The following PLEKHM3 variants were observed in gnomAD, a reference collection of about 807,000 sequenced individuals.
The protein encoded by PLEKHM3 is pleckstrin homology domain containing M3, also known as pleckstrin homology domain-containing family M member 3.
Under a neutral mutation model 81.8 loss-of-function variants are expected in PLEKHM3, and 45 were observed. That is an observed-to-expected ratio of 0.55 (90% confidence interval 0.43 to 0.71). PLEKHM3 has a LOEUF of 0.71. Ranked by LOEUF, PLEKHM3 falls within the 30% of genes least tolerant of loss-of-function variation. PLEKHM3 has a pLI of 0.00. For missense variants in PLEKHM3, 788 were observed against 924.3 expected (o/e 0.85, Z 1.91); for synonymous variants, 352 against 356.4 (o/e 0.99, Z 0.14).
Position 207,851,506 on chromosome 2 carries a change from C to T in PLEKHM3, c.2108+9599G>A, listed in dbSNP as rs188513724. 1,000 of 152,094 alleles carry T rather than the reference C, an allele frequency of 6.6e-3. 7 individuals are homozygous for T. Among genetic ancestry groups the T allele is most frequent in the Middle Eastern group, 0.017 (5 of 292 alleles). 9.4% of individuals were successfully genotyped at this position (152,094 alleles called of 1,614,324 possible). ...ATCCCAGCACTCTGGGAGGCCGAGG[C>T]GGGGGAGGATCACCTGAGGTTAGGA... is the stretch of plus-strand genomic sequence containing the variant. On this transcript the variant is annotated intron_variant, in intron 7 of 7. Transcript: ENST00000427836.
intron 6 of PLEKHM3, among the ~76,000 whole-genome samples, chr2:207,883,626 G>C (rs1687782493): frequency 6.6e-6 from 1 of 152,182 alleles, no homozygotes; most frequent in Non-Finnish European, 1.5e-5. Flanking sequence ...CAGAGAAGCA[G>C]CCCTGGAGTG....
At chr2:207,855,572 G>A (rs2092433527) in intron 7 of PLEKHM3, among the ~76,000 whole-genome samples, 1 of 152,118 alleles carries the variant, frequency 6.6e-6, no homozygotes, top group African/African-American at 2.4e-5. Flanking sequence ...GGAAAGAGGG[G>A]GAGGAAGAGG....
intron 6 of PLEKHM3, among the ~76,000 whole-genome samples, chr2:207,891,763 C>G (rs1473495141): frequency 6.6e-6 from 1 of 152,296 alleles, no homozygotes; most frequent in Middle Eastern, 3.4e-3. Flanking sequence ...ATAACTGATT[C>G]ATTCATTCAC....
intron 3 of PLEKHM3, among the ~76,000 whole-genome samples, chr2:207,951,748 C>T (rs1690334649): frequency 1.3e-5 from 2 of 152,222 alleles, no homozygotes; most frequent in Non-Finnish European, 1.5e-5. Context: ...TACTTCTCCA[C>T]AAAAGCACCA....
chr2:207,875,871 T>C (rs1034310082), intron 6 of PLEKHM3, among the ~76,000 whole-genome samples: 1 of 152,222 alleles, frequency 6.6e-6, no homozygotes, highest in African/African-American at 2.4e-5. Context: ...TTGCTTAACT[T>C]ACCTAGCTTA....
chr2:207,972,581 C>T (rs1168516833), intron 3 of PLEKHM3, among the ~76,000 whole-genome samples: 8 of 142,928 alleles, frequency 5.6e-5, no homozygotes, highest in Non-Finnish European at 9.0e-5. Context: ...GGCGAGACTC[C>T]GTCTCAAAAA....
chr2:207,921,748 A>T (rs1689189513), intron 5 of PLEKHM3, among the ~76,000 whole-genome samples: 1 of 152,216 alleles, frequency 6.6e-6, no homozygotes, highest in Non-Finnish European at 1.5e-5. Flanking sequence ...CATATGAATG[A>T]GAACATGGAG....
At chr2:207,839,247 T>C (rs2092336386) in intron 7 of PLEKHM3, among the ~76,000 whole-genome samples, 1 of 152,164 alleles carries the variant, frequency 6.6e-6, no homozygotes, top group South Asian at 2.1e-4. Context: ...AGGTCAAGCA[T>C]GGGTACATTA....
chr2:207,988,756 C>T (rs527401347), intron 2 of PLEKHM3, among the ~76,000 whole-genome samples: 22 of 152,316 alleles, frequency 1.4e-4, no homozygotes, highest in East Asian at 7.7e-4. Flanking sequence ...GTGCTTACAA[C>T]GCCTCTTCTT....
At chr2:208,014,738 T>C (rs1692822133) in intron 1 of PLEKHM3, among the ~76,000 whole-genome samples, 1 of 152,268 alleles carries the variant, frequency 6.6e-6, no homozygotes, top group African/African-American at 2.4e-5. Context: ...TATGGACTAT[T>C]ACCATTAGCA....
chr2:207,850,820 C>T (rs944164250), intron 7 of PLEKHM3, among the ~76,000 whole-genome samples: 5 of 152,154 alleles, frequency 3.3e-5, no homozygotes, highest in Non-Finnish European at 7.3e-5. Flanking sequence ...AATCATAGAG[C>T]AGTGTCAGCC....
At chr2:208,006,501 A>C (rs1398110287) in intron 1 of PLEKHM3, among the ~76,000 whole-genome samples, 3 of 152,202 alleles carry the variant, frequency 2.0e-5, no homozygotes, top group Non-Finnish European at 4.4e-5. Context: ...TAACCTCTGC[A>C]TGCCTTACTC....
chr2:207,880,338 C>T (rs538302287), intron 6 of PLEKHM3, among the ~76,000 whole-genome samples: 175 of 150,250 alleles, frequency 1.2e-3, no homozygotes, highest in Non-Finnish European at 2.0e-3. Context: ...ACCCAGGGGG[C>T]GAAGGTTGCA....
In PLEKHM3 at chr2:207,946,472, C is replaced by G; in HGVS notation, c.1587G>C (p.Lys529Asn). ...RSIGLSNGKA[K>N]VCNYSGWYYC... ...AATACCACCCACTGTAGTTGCACACCTTGGCTTTCCCATTGGAAAGACCTA... is the reference window on the plus strand; with the variant it reads ...AATACCACCCACTGTAGTTGCACACGTTGGCTTTCCCATTGGAAAGACCTA... The change falls in exon 4 of 8, where the codon AAG becomes AAC. Residue 529 changes from lysine to asparagine, a missense_variant. Transcript: ENST00000427836. 1.9e-6 allele frequency: 3 copies of G among 1,614,174 alleles called. No homozygotes were observed. The highest frequency in any genetic ancestry group is 2.5e-6 in the Non-Finnish European group (3 of 1,180,024).
At chr2:207,895,000 A>G (rs1385013208) in intron 6 of PLEKHM3, among the ~76,000 whole-genome samples, 4 of 152,222 alleles carry the variant, frequency 2.6e-5, no homozygotes, top group Non-Finnish European at 5.9e-5. Context: ...GGTCTGGCCT[A>G]AAGTAAGCAC....
At chr2:207,866,974 A>G (rs931050475) in intron 6 of PLEKHM3, among the ~76,000 whole-genome samples, 5 of 152,308 alleles carry the variant, frequency 3.3e-5, no homozygotes, top group Non-Finnish European at 5.9e-5. Context: ...GATATTTGAC[A>G]ATTTTTACCC....
intron 6 of PLEKHM3, among the ~76,000 whole-genome samples, chr2:207,889,628 C>T (rs1211473867): frequency 6.6e-6 from 1 of 152,126 alleles, no homozygotes; most frequent in South Asian, 2.1e-4. Context: ...GTACTCAAAG[C>T]TCAAAGCTCA....
rs765846813 is a variant in PLEKHM3, at chr2:208,001,145, G to A, written c.495C>T (p.Thr165=). The stretch of plus-strand genomic sequence containing the variant: ...GCTGTTGCTGCTGCTGCAAAGGCGT[G>A]GTTTTGAGGACTACCCTCCAGTCCA... ...TQVDWRVVLK[T]TPLQQQQQQQ... The change falls in exon 2 of 8, where the codon ACC becomes ACT. Residue 165 remains threonine (T), a synonymous_variant. Transcript: ENST00000427836. 3.7e-6 allele frequency: 6 copies of A among 1,612,584 alleles called. No homozygotes were observed. Among genetic ancestry groups the A allele is most frequent in the Non-Finnish European group, 3.4e-6 (4 of 1,179,256 alleles).
At chr2:207,852,958 G>C in intron 7 of PLEKHM3, 1 of 375,498 alleles carries the variant, frequency 2.7e-6, no homozygotes, top group Non-Finnish European at 5.1e-6. Flanking sequence ...TTCTGTGGAT[G>C]ATGGAGCCCT....
Sources: gnomAD v4.1 joint callset for allele counts (sites outside exome capture counted in the v4.1 genomes callset) on GRCh38, gnomAD v4.1.1 for gene constraint, MANE v1.5 for transcripts, NCBI Gene and HGNC (gene_info 2026-07-23, HGNC 2026-07-21) for gene names.